CASD1: variants seen among roughly 807,000 people sequenced by gnomAD.
The protein encoded by CASD1 is CAS1 domain sialic acid O acetyltransferase 1.
In CASD1, 41 loss-of-function variants were observed where a neutral mutation model predicts 100.0. That is an observed-to-expected ratio of 0.41 (90% CI 0.32 to 0.53). The LOEUF (loss-of-function observed/expected upper bound fraction) is 0.53, where lower values mean the gene tolerates loss of function less well. Among genes scored for constraint, CASD1 ranks in the 20% least tolerant of loss-of-function variants. CASD1 has a pLI of 0.25. For synonymous variants in CASD1, 321 were observed against 315.6 expected (o/e 1.02, Z -0.18); for missense variants, 774 against 948.7 (o/e 0.82, Z 2.42).
rs775747182 is a variant in CASD1 at position 94,555,487 on chromosome 7, C to T, written c.2128-5C>T. 3.1e-6 allele frequency: 5 copies of T among 1,607,632 alleles called. No homozygotes were observed. The African/African-American group carries it at 4.0e-5, about 13-fold the overall frequency. ...AATATCTGACTTAAATATTTTTTCT[C>T]CTAGCTATTTATTTGCCAGTATCAC... is the stretch of plus-strand genomic sequence containing the variant. On this transcript the variant is annotated splice_region_variant and splice_polypyrimidine_tract_variant and intron_variant, in intron 17 of 17. Coordinates refer to ENST00000297273, the MANE Select transcript of CASD1 (RefSeq NM_022900.5).
chr7:94,557,372 A>G (rs536693887), downstream of CASD1, among the ~76,000 whole-genome samples: 4 of 152,156 alleles, frequency 2.6e-5, no homozygotes, highest in East Asian at 7.7e-4. Flanking sequence ...CATTTCCCAG[A>G]TAGACAATTG....
chr7:94,627,190 TC>T, the CASD1 span: 1 of 151,996 alleles, frequency 6.6e-6, no homozygotes, highest in South Asian at 2.1e-4. Flanking sequence ...GAAGCTCACA[TC>T]CACAGTACAC....
At chr7:94,538,574 G>T (rs1055631513) in intron 9 of CASD1, among the ~76,000 whole-genome samples, 5 of 152,078 alleles carry the variant, frequency 3.3e-5, no homozygotes, top group Admixed American at 3.3e-4. Context: ...GTAAAGTGTA[G>T]GGGAAGTGTA....
At chr7:94,595,531 A>C in the CASD1 span, among the ~76,000 whole-genome samples, 2 of 152,150 alleles carry the variant, frequency 1.3e-5, no homozygotes, top group Admixed American at 1.3e-4. Flanking sequence ...TAAATTAATA[A>C]GTACAAGACA....
the CASD1 span, chr7:94,621,047 A>C: frequency 6.6e-6 from 1 of 152,276 alleles, no homozygotes; most frequent in Non-Finnish European, 1.5e-5. Context: ...ATGCGGTGTG[A>C]GTCTACATGA....
At chr7:94,590,279 T>G in the CASD1 span, among the ~76,000 whole-genome samples, 1 of 152,094 alleles carries the variant, frequency 6.6e-6, no homozygotes, top group African/African-American at 2.4e-5. Context: ...TATTTTTAAT[T>G]AAAAAAATCT....
intron 7 of CASD1, among the ~76,000 whole-genome samples, chr7:94,534,963 C>T (rs1257831895): frequency 2.0e-5 from 3 of 152,168 alleles, no homozygotes; most frequent in African/African-American, 7.2e-5. Flanking sequence ...TCTTCTATAA[C>T]TCATTTTAGA....
chr7:94,611,370 A>G, the CASD1 span, among the ~76,000 whole-genome samples: 1 of 152,162 alleles, frequency 6.6e-6, no homozygotes, highest in African/African-American at 2.4e-5. Flanking sequence ...AATGTTATAC[A>G]AAGTGAAAGA....
At position 94,556,927 on chromosome 7, in the gene CASD1, T is replaced by C. The variant is rs541600699; in HGVS notation, c.*1169T>C. On this transcript the variant is annotated 3_prime_UTR_variant, in exon 18 of 18. Transcript: ENST00000297273. ...TTTCTGTTCACAGTATATGAAAATA[T>C]GGAGTAATTTAAACAGTAAATAAAC... 1.4e-4 allele frequency: 22 copies of C among 152,214 alleles called. No individual in the cohort carries two copies. The highest frequency in any genetic ancestry group is 2.9e-4 in the Non-Finnish European group (20 of 67,936). The allele number at this position is 152,214 out of a possible 1,614,324, so 9.4% of individuals were successfully genotyped here. A position where few individuals can be genotyped will look rare whatever the true frequency, so the allele number is the denominator to read the frequency against.
chr7:94,601,700 A>G, the CASD1 span, among the ~76,000 whole-genome samples: 1 of 152,102 alleles, frequency 6.6e-6, no homozygotes, highest in African/African-American at 2.4e-5. Context: ...TGTTAATAAT[A>G]CAGTGTTAGT....
At chr7:94,588,411 C>T in the CASD1 span, 23 of 1,225,314 alleles carry the variant, frequency 1.9e-5, no homozygotes, top group Non-Finnish European at 2.4e-5. Flanking sequence ...TAGGGAACTT[C>T]ACTGAAGGAA....
chr7:94,534,159 A>ATTTTTTTTTTTTTTTTTTTTTTTTTTT (rs56864121), intron 7 of CASD1, among the ~76,000 whole-genome samples: 1 of 100,538 alleles, frequency 9.9e-6, no homozygotes, highest in Non-Finnish European at 1.9e-5. Flanking sequence ...CTGTTTCATA[A>ATTTTTTTTTTTTTTTTTTTTTTTTTTT]TTTTTTTTTT....
chr7:94,594,614 C>T, the CASD1 span: 4 of 152,068 alleles, frequency 2.6e-5, no homozygotes, highest in African/African-American at 9.7e-5. Flanking sequence ...GTCTAGGTAA[C>T]AGTAAAGTAC....
intron 3 of CASD1, among the ~76,000 whole-genome samples, chr7:94,518,876 T>TA (rs1794110491): frequency 6.6e-6 from 1 of 152,070 alleles, no homozygotes; most frequent in Admixed American, 6.5e-5. Context: ...ATTTTGCAGT[T>TA]AAAAAATACA....
chr7:94,558,110 A>G (rs2374736), downstream of CASD1, among the ~76,000 whole-genome samples: 64,184 of 151,980 alleles, frequency 0.42, 14,385 homozygotes, highest in South Asian at 0.52. Flanking sequence ...TTCTACCTCA[A>G]TCGTTCCTCC....
intron 9 of CASD1, 69 bp downstream of exon 9, chr7:94,537,963 T>C (rs1795200254): frequency 5.8e-6 from 5 of 855,338 alleles, no homozygotes; most frequent in Non-Finnish European, 9.1e-6. Context: ...GTTAAAGAAC[T>C]AATATCATTT....
chr7:94,528,287 AT>A, intron 5 of CASD1, 37 bp downstream of exon 5: 1 of 1,183,598 alleles, frequency 8.4e-7, no homozygotes, highest in Non-Finnish European at 1.2e-6. Context: ...TTTTTTTTTT[AT>A]TTTTATTCCC....
intron 1 of CASD1, among the ~76,000 whole-genome samples, chr7:94,511,458 A>G (rs370977453): frequency 1.1e-3 from 161 of 152,348 alleles, no homozygotes; most frequent in South Asian, 8.1e-3. Context: ...AGCTTTTAGT[A>G]TACTAAATTG....
At chr7:94,598,020 GA>G in the CASD1 span, 2 of 167,968 alleles carry the variant, frequency 1.2e-5, no homozygotes, top group Middle Eastern at 6.3e-4. Context: ...AAAAAAAAAA[GA>G]AAAAAAGAGA....
Sources: gnomAD v4.1 joint callset for allele counts (sites outside exome capture counted in the v4.1 genomes callset) on GRCh38, gnomAD v4.1.1 for gene constraint, MANE v1.5 for transcripts, NCBI Gene and HGNC (gene_info 2026-07-23, HGNC 2026-07-21) for gene names.